HS6ST3: variants seen among roughly 807,000 people sequenced by gnomAD.
HS6ST3 encodes heparan-sulfate 6-O-sulfotransferase 3.
In HS6ST3, 12 loss-of-function variants were observed where a neutral mutation model predicts 36.7. The observed-to-expected ratio is 0.33, with a 90% CI of 0.21 to 0.53. The LOEUF (loss-of-function observed/expected upper bound fraction) is 0.53, where lower values mean the gene tolerates loss of function less well. HS6ST3 is among the 20% of genes least tolerant of loss of function. HS6ST3 has a pLI of 0.95. For synonymous variants in HS6ST3, 240 were observed against 257.5 expected, an observed-to-expected ratio of 0.93 and a Z score of 0.65; for missense variants, 584 against 640.9, an observed-to-expected ratio of 0.91 and a Z score of 0.96.
At chr13:96,149,138 C>A (rs980850492) in intron 1 of HS6ST3, among the ~76,000 whole-genome samples, 2 of 152,096 alleles carry the variant, frequency 1.3e-5, no homozygotes, top group Admixed American at 6.5e-5. Context: ...GATCAAAGAT[C>A]ATTTAAATAA....
At chr13:96,777,027 C>G (rs1877404140) in intron 1 of HS6ST3, among the ~76,000 whole-genome samples, 1 of 152,218 alleles carries the variant, frequency 6.6e-6, no homozygotes, top group Non-Finnish European at 1.5e-5. Context: ...GGATGCAAGG[C>G]TGGTTTAACA....
intron 1 of HS6ST3, among the ~76,000 whole-genome samples, chr13:96,474,709 C>T (rs968221087): frequency 1.3e-5 from 2 of 152,132 alleles, no homozygotes; most frequent in African/African-American, 2.4e-5. Flanking sequence ...CCAGAAAAAA[C>T]GACCTCTCTG....
intron 1 of HS6ST3, among the ~76,000 whole-genome samples, chr13:96,274,532 G>C (rs2054737965): frequency 6.6e-6 from 1 of 152,028 alleles, no homozygotes; most frequent in Non-Finnish European, 1.5e-5. Flanking sequence ...AACTTTTCTT[G>C]AGTTATTGCT....
chr13:96,436,958 G>A (rs1181751711), intron 1 of HS6ST3, among the ~76,000 whole-genome samples: 1 of 118,900 alleles, frequency 8.4e-6, no homozygotes, highest in African/African-American at 3.7e-5. Flanking sequence ...GGCAGAAAAA[G>A]GGCCTCCATT....
At chr13:96,458,371 A>G (rs902574127) in intron 1 of HS6ST3, among the ~76,000 whole-genome samples, 1 of 152,152 alleles carries the variant, frequency 6.6e-6, no homozygotes, top group African/African-American at 2.4e-5. Context: ...CCGATTTGTG[A>G]TGCTTCCATC....
intron 1 of HS6ST3, among the ~76,000 whole-genome samples, chr13:96,597,139 G>A (rs2056404559): frequency 6.6e-6 from 1 of 152,106 alleles, no homozygotes; most frequent in East Asian, 1.9e-4. Flanking sequence ...GCTAAATGAT[G>A]AGAATACATG....
At chr13:96,458,083 G>A (rs1185874666) in intron 1 of HS6ST3, among the ~76,000 whole-genome samples, 1 of 152,058 alleles carries the variant, frequency 6.6e-6, no homozygotes, top group Admixed American at 6.6e-5. Flanking sequence ...CTACTAACCT[G>A]TAGTATCTTT....
chr13:96,365,624 C>T (rs192921903), intron 1 of HS6ST3, among the ~76,000 whole-genome samples: 2 of 152,264 alleles, frequency 1.3e-5, no homozygotes, highest in African/African-American at 2.4e-5. Context: ...CTTGTGTCAA[C>T]TGTAACATGT....
intron 1 of HS6ST3, among the ~76,000 whole-genome samples, chr13:96,687,562 A>G (rs912312995): frequency 1.6e-4 from 24 of 152,098 alleles, no homozygotes; most frequent in African/African-American, 5.1e-4. Flanking sequence ...ACTCACATAT[A>G]AGCAGATCTC....
chr13:96,361,869 T>G (rs1013054975), intron 1 of HS6ST3, among the ~76,000 whole-genome samples: 4 of 152,170 alleles, frequency 2.6e-5, no homozygotes, highest in Non-Finnish European at 4.4e-5. Context: ...AACATTACAA[T>G]CTTATTTTTT....
chr13:96,329,995 G>T (rs1417542253), intron 1 of HS6ST3, among the ~76,000 whole-genome samples: 1 of 151,050 alleles, frequency 6.6e-6, no homozygotes, highest in Non-Finnish European at 1.5e-5. Flanking sequence ...TCATAGACTA[G>T]GATTGCAACC....
rs550596151 is a variant in HS6ST3 at position 96,547,391 on chromosome 13, C to G, written c.708-285099C>G. ...GCCCAGCCCCTCAGTCTAGTATTTCCTTATTCACTAAATGATGCTGAGAAT... is the reference window on the plus strand; with the variant it reads ...GCCCAGCCCCTCAGTCTAGTATTTCGTTATTCACTAAATGATGCTGAGAAT... On this transcript the variant is annotated intron_variant, in intron 1 of 1. Transcript: ENST00000376705. Among the ~76,000 whole-genome samples the G allele has an allele frequency of 7.9e-5, 12 of 152,206 alleles. No individual in the cohort carries two copies. The South Asian group carries it at 2.5e-3, about 32-fold the overall frequency.
chr13:96,727,253 C>G (rs1351250425), intron 1 of HS6ST3, among the ~76,000 whole-genome samples: 2 of 152,036 alleles, frequency 1.3e-5, no homozygotes, highest in African/African-American at 4.8e-5. Flanking sequence ...AATAAAGGTG[C>G]CTATATTATG....
chr13:96,826,729 G>A (rs1213459166), intron 1 of HS6ST3, among the ~76,000 whole-genome samples: 1 of 152,162 alleles, frequency 6.6e-6, no homozygotes, highest in African/African-American at 2.4e-5. Context: ...ATTTTTTAAC[G>A]TGATCGCCTT....
intron 1 of HS6ST3, among the ~76,000 whole-genome samples, chr13:96,308,249 A>G (rs1290391547): frequency 1.3e-5 from 2 of 152,128 alleles, no homozygotes; most frequent in Non-Finnish European, 2.9e-5. Context: ...ATACTGCTTC[A>G]CTGAAAGCAT....
chr13:96,494,811 T>C (rs1425853993), intron 1 of HS6ST3, among the ~76,000 whole-genome samples: 2 of 152,186 alleles, frequency 1.3e-5, no homozygotes, highest in East Asian at 1.9e-4. Context: ...AACTGACTGC[T>C]ATATTGTTCC....
At chr13:96,758,519 G>A (rs1298161297) in intron 1 of HS6ST3, among the ~76,000 whole-genome samples, 1 of 151,052 alleles carries the variant, frequency 6.6e-6, no homozygotes, top group Non-Finnish European at 1.5e-5. Context: ...TTAAATATTA[G>A]TATACATTTC....
intron 1 of HS6ST3, among the ~76,000 whole-genome samples, chr13:96,391,658 C>A (rs1284554151): frequency 6.6e-6 from 1 of 152,068 alleles, no homozygotes; most frequent in Non-Finnish European, 1.5e-5. Context: ...CAAGGAGGAG[C>A]AAGTCACGTA....
chr13:96,662,793 C>A (rs936039571), intron 1 of HS6ST3, among the ~76,000 whole-genome samples: 1 of 151,974 alleles, frequency 6.6e-6, no homozygotes, highest in Non-Finnish European at 1.5e-5. Context: ...GGGATGTTTT[C>A]TTTCCTCTTG....
Sources: allele counts gnomAD v4.1 joint callset (sites outside exome capture counted in the v4.1 genomes callset), GRCh38; gene constraint gnomAD v4.1.1; transcripts MANE v1.5; gene names NCBI Gene and HGNC (gene_info 2026-07-23, HGNC 2026-07-21).